Variants in FAM210B observed in about 807,000 individuals in gnomAD.
FAM210B encodes the protein mitochondrial inner membrane scaffold 2.
FAM210B carries 11 observed loss-of-function variants against 14.9 expected under a neutral mutation model. That is an observed-to-expected ratio of 0.74 (90% confidence interval 0.46 to 1.22). The LOEUF (loss-of-function observed/expected upper bound fraction) is 1.22, where lower values mean the gene tolerates loss of function less well. Among genes scored for constraint, FAM210B ranks in the 50% most tolerant of loss-of-function variants. The pLI is 0.00. For synonymous variants in FAM210B, 113 were observed against 110.2 expected (o/e 1.03, Z -0.16); for missense variants, 229 against 250.1 (o/e 0.92, Z 0.57).
intron 1 of FAM210B, chr20:56,360,245 G>A (rs776628633): frequency 2.1e-6 from 1 of 470,336 alleles, no homozygotes; most frequent in South Asian, 1.5e-5. Flanking sequence ...CACACACCGT[G>A]CCGCCTCCTG....
At chr20:56,365,431 GCTCAAGTGATC>G (rs1486718467) in intron 2 of FAM210B, among the ~76,000 whole-genome samples, 169 bp downstream of exon 2, 3 of 151,838 alleles carry the variant, frequency 2.0e-5, no homozygotes, top group Non-Finnish European at 4.4e-5. Flanking sequence ...ACCTCCCTGG[GCTCAAGTGATC>G]CTCCCACCTC....
chr20:56,364,274 C>T (rs570002954), intron 1 of FAM210B, among the ~76,000 whole-genome samples: 4 of 152,304 alleles, frequency 2.6e-5, no homozygotes, highest in African/African-American at 9.6e-5. Context: ...CTTCTAGGGG[C>T]TCGAATCCAT....
rs1316909419 is a variant in FAM210B, at chr20:56,366,913, A to G, written c.*626A>G. The G allele has an allele frequency of 6.6e-6, 1 of 152,298 alleles. No homozygotes were observed. Among genetic ancestry groups the G allele is most frequent in the Non-Finnish European group, 1.5e-5 (1 of 68,092 alleles). 9.4% of individuals were successfully genotyped at this position (152,298 alleles called of 1,614,324 possible). ...CTGGACATGATGGGGCTGATTCCAG[A>G]TGGTTTTTCTGAAATTTCATTAAGG... On this transcript the variant is annotated 3_prime_UTR_variant, in exon 3 of 3. Coordinates refer to ENST00000371384, the MANE Select transcript of FAM210B (RefSeq NM_080821.3).
At chr20:56,360,672 A>G (rs6092308) in intron 1 of FAM210B, 20,786 of 162,566 alleles carry the variant, frequency 0.13, 3,433 homozygotes, top group African/African-American at 0.4. Context: ...GTTAGAAATG[A>G]CTATAATTGC....
intron 2 of FAM210B, 95 bp from the exon 3 acceptor site, chr20:56,365,971 TCATTA>T: frequency 1.2e-6 from 1 of 811,126 alleles, no homozygotes; most frequent in Non-Finnish European, 1.8e-6. Context: ...TTCAGCTACT[TCATTA>T]CATTTTTTAA....
chr20:56,361,806 G>A (rs553470367), intron 1 of FAM210B, among the ~76,000 whole-genome samples: 5 of 151,966 alleles, frequency 3.3e-5, no homozygotes, highest in East Asian at 1.9e-4. Flanking sequence ...ATGAAGCCCC[G>A]TCTCTACTAA....
In FAM210B at chr20:56,366,149, A is replaced by T. The variant is rs746968744; in HGVS notation, c.441A>T (p.Thr147=). The T allele has an allele frequency of 2.5e-5, 40 of 1,614,094 alleles. No individual in the cohort carries two copies. Among genetic ancestry groups the T allele is most frequent in the Non-Finnish European group, 3.1e-5 (37 of 1,180,052 alleles). The part of the protein sequence containing the change: ...SLVQSKMAAG[T]STFVVAYAIH... ...TACAGTCAAAAATGGCAGCAGGCAC[A>T]AGTACCTTCGTGGTGGCCTATGCAA... Residue 147 remains threonine, a synonymous_variant, in exon 3 of 3, where the codon ACA becomes ACT. Coordinates refer to ENST00000371384, the MANE Select transcript of FAM210B (RefSeq NM_080821.3).
rs980309423 is a variant in FAM210B at position 56,362,318 on chromosome 20, G to A, written c.187-2769G>A. Among the ~76,000 whole-genome samples, 1 of 141,348 alleles carries A rather than the reference G, an allele frequency of 7.1e-6. No homozygotes were observed. Among genetic ancestry groups the A allele is most frequent in the African/African-American group, 2.9e-5 (1 of 34,598 alleles). 92.7% of individuals were successfully genotyped at this position (141,348 alleles called of 152,430 possible). Reference sequence around the variant, plus strand: ...AAAAAATGTTGGGGAGAGGCAGAAGGGGCATCTCACACACACACTGTCTCA... The same window carrying A: ...AAAAAATGTTGGGGAGAGGCAGAAGAGGCATCTCACACACACACTGTCTCA... On this transcript the variant is annotated intron_variant, in intron 1 of 2. Coordinates refer to ENST00000371384, the MANE Select transcript of FAM210B (RefSeq NM_080821.3). This position sits in a 1 kb window ranked among gnomAD's most constrained non-coding sequence, Gnocchi z 4.8.
Position 56,363,443 on chromosome 20 carries a change from C to T in FAM210B, c.187-1644C>T, listed in dbSNP as rs866650499. Among the ~76,000 whole-genome samples the T allele has an allele frequency of 1.3e-5, 2 of 152,186 alleles. No homozygotes were observed. Among genetic ancestry groups the T allele is most frequent in the South Asian group, 4.1e-4 (2 of 4,838 alleles). ...TGTCATCGGGACACTGAGGGTTTTC[C>T]TCAAATGTTCTAAAAAATCTTATGC... On this transcript the variant is annotated intron_variant, in intron 1 of 2. Transcript: ENST00000371384. This position sits in a 1 kb window ranked among gnomAD's most constrained non-coding sequence, Gnocchi z 4.1.
Position 56,359,533 on chromosome 20 carries a change from C to T in FAM210B, c.186+342C>T, listed in dbSNP as rs906557718. Among the ~76,000 whole-genome samples the T allele has an allele frequency of 1.3e-5, 2 of 152,214 alleles. No individual in the cohort carries two copies. On this transcript the variant is annotated intron_variant, in intron 1 of 2. Coordinates refer to ENST00000371384, the MANE Select transcript of FAM210B (RefSeq NM_080821.3). This position sits in a 1 kb window ranked among gnomAD's most constrained non-coding sequence, Gnocchi z 4.3. The stretch of plus-strand genomic sequence containing the variant: ...ACACGTTGCCTGCGGAGTTGTTGTC[C>T]AGGCCTTCTGGCTGGGTCTCGCTGT...
chr20:56,359,671 A>G lies in FAM210B; in HGVS notation c.186+480A>G, dbSNP rs369363592. On this transcript the variant is annotated intron_variant, in intron 1 of 2. Coordinates refer to ENST00000371384, the MANE Select transcript of FAM210B (RefSeq NM_080821.3). This position sits in a 1 kb window ranked among gnomAD's most constrained non-coding sequence, Gnocchi z 4.3. ...CCCACAGTGCTGTTTGTTATGTTTC[A>G]TTTCCGTCACTTTCCATTGGTGCTA... 2.2e-4 allele frequency among the ~76,000 whole-genome samples: 33 copies of G among 152,330 alleles called. No homozygotes were observed. The highest frequency in any genetic ancestry group is 7.7e-4 in the African/African-American group (32 of 41,574).
Position 56,359,134 on chromosome 20 carries a change from G to A in FAM210B, c.129G>A (p.Pro43=). 7.8e-7 allele frequency: 1 copy of A among 1,274,274 alleles called. No homozygotes were observed. Among genetic ancestry groups the A allele is most frequent in the Non-Finnish European group, 9.8e-7 (1 of 1,016,718 alleles). The allele number at this position is 1,274,274 out of a possible 1,614,324, so 78.9% of individuals were successfully genotyped here. A position where few individuals can be genotyped will look rare whatever the true frequency, so the allele number is the denominator to read the frequency against. The change falls in exon 1 of 3, where the codon CCG becomes CCA. Residue 43 remains proline (P), a synonymous_variant. Coordinates refer to ENST00000371384, the MANE Select transcript of FAM210B (RefSeq NM_080821.3). The surrounding 1 kb of genome is among the most constrained non-coding windows in gnomAD (Gnocchi z 4.3). ...APPPLALALL[P]PRLDARLLRT... Reference sequence around the variant, plus strand: ...CGCCCCTGGCCCTGGCCCTGCTCCCGCCCAGGCTAGACGCCCGGCTGCTCC... The same window carrying A: ...CGCCCCTGGCCCTGGCCCTGCTCCCACCCAGGCTAGACGCCCGGCTGCTCC...
chr20:56,360,280 C>G (rs1402621026), intron 1 of FAM210B: 1 of 468,414 alleles, frequency 2.1e-6, no homozygotes, highest in Non-Finnish European at 4.4e-6. Context: ...CCCAGCCCAG[C>G]TGTTCCTTCC....
chr20:56,364,370 T>C (rs1262457202), intron 1 of FAM210B, among the ~76,000 whole-genome samples: 1 of 152,134 alleles, frequency 6.6e-6, no homozygotes, highest in Non-Finnish European at 1.5e-5. Flanking sequence ...CATCTTCAGC[T>C]CTCTCACTCT....
chr20:56,360,923 G>A (rs774529726), intron 1 of FAM210B, among the ~76,000 whole-genome samples: 36 of 152,312 alleles, frequency 2.4e-4, no homozygotes, highest in Admixed American at 6.5e-4. Context: ...GCCCACCCTC[G>A]TCGGGAGGTA....
Position 56,366,118 on chromosome 20 carries a change from C to A in FAM210B, c.410C>A (p.Ser137Tyr), listed in dbSNP as rs372963115. Residue 137 changes from serine (S) to tyrosine (Y), a missense_variant, in exon 3 of 3, where the codon TCC (serine) becomes TAC (tyrosine). Physicochemically the swap from Ser to Tyr is moderately radical, Grantham distance 144. Around this residue, in one of 3 missense-constraint regions of FAM210B, gnomAD observed 32 missense variants for 62.2 expected, o/e 0.51. Transcript: ENST00000371384. ...CTGCTGAAACTCGGATTTAAAGAGT[C>A]CCTGGTACAGTCAAAAATGGCAGCA... Reference protein sequence around the residue: ...AILLKLGFKESLVQSKMAAGT... With the variant: ...AILLKLGFKEYLVQSKMAAGT... 6 of 1,614,050 alleles carry A rather than the reference C, an allele frequency of 3.7e-6. No individual in the cohort carries two copies. The African/African-American group carries it at 6.7e-5, about 18-fold the overall frequency.
intron 1 of FAM210B, chr20:56,360,738 C>A (rs534660191): frequency 6.4e-6 from 1 of 156,046 alleles, no homozygotes; most frequent in Non-Finnish European, 1.4e-5. Flanking sequence ...CTTGTTTCTT[C>A]TGCACCGTGG....
rs745345669 is a variant in FAM210B at position 56,362,447 on chromosome 20, C to G, written c.187-2640C>G. On this transcript the variant is annotated intron_variant, in intron 1 of 2. Transcript: ENST00000371384. This position sits in a 1 kb window ranked among gnomAD's most constrained non-coding sequence, Gnocchi z 4.8. ...GTGCCTAACACATCCCGGGTACTTACGGCAATGTTTCACGAAGAAATGAAT... is the reference window on the plus strand; with the variant it reads ...GTGCCTAACACATCCCGGGTACTTAGGGCAATGTTTCACGAAGAAATGAAT... Among the ~76,000 whole-genome samples the G allele has an allele frequency of 6.6e-6, 1 of 152,174 alleles. No homozygotes were observed. Among genetic ancestry groups the G allele is most frequent in the South Asian group, 2.1e-4 (1 of 4,828 alleles).
Position 56,366,640 on chromosome 20 carries a change from G to C in FAM210B, c.*353G>C. 1 of 201,034 alleles carries C rather than the reference G, an allele frequency of 5.0e-6. No individual in the cohort carries two copies. Among genetic ancestry groups the C allele is most frequent in the Non-Finnish European group, 1.0e-5 (1 of 99,228 alleles). The allele number at this position is 201,034 out of a possible 1,614,324, so 12.5% of individuals were successfully genotyped here. A position where few individuals can be genotyped will look rare whatever the true frequency, so the allele number is the denominator to read the frequency against. ...GCACCAGGGGGTTAATCTTGGCTCA[G>C]TTTCCTAAAAAGCATTGATTAATTT... On this transcript the variant is annotated 3_prime_UTR_variant, in exon 3 of 3. Coordinates refer to ENST00000371384, the MANE Select transcript of FAM210B (RefSeq NM_080821.3).
Sources: gnomAD v4.1 joint callset for allele counts (sites outside exome capture counted in the v4.1 genomes callset) on GRCh38, gnomAD v4.1.1 for gene constraint, gnomAD v4.1.1 regional missense constraint, Gnocchi (gnomAD v3.1) non-coding constraint, MANE v1.5 for transcripts, NCBI Gene and HGNC (gene_info 2026-07-23, HGNC 2026-07-21) for gene names.